Variants in GALNTL6 observed in about 807,000 individuals in gnomAD.
GALNTL6 encodes the protein polypeptide N-acetylgalactosaminyltransferase-like 6.
In GALNTL6, 46 loss-of-function variants were observed where a neutral mutation model predicts 73.7. That is an observed-to-expected ratio of 0.62 (90% CI 0.49 to 0.80). The LOEUF is 0.80. Among genes scored for constraint, GALNTL6 ranks in the 30% least tolerant of loss-of-function variants. The pLI is 0.00. For missense variants in GALNTL6, 604 were observed against 755.0 expected (o/e 0.80, Z 2.34); for synonymous variants, 259 against 263.7 (o/e 0.98, Z 0.17).
intron 2 of GALNTL6, among the ~76,000 whole-genome samples, chr4:171,862,226 T>A (rs1346464288): frequency 1.3e-5 from 2 of 152,128 alleles, no homozygotes; most frequent in Non-Finnish European, 2.9e-5. Flanking sequence ...AAATGTCACA[T>A]TCCATTATTA....
At chr4:172,746,231 T>C (rs1190765429) in intron 5 of GALNTL6, among the ~76,000 whole-genome samples, 1 of 152,106 alleles carries the variant, frequency 6.6e-6, no homozygotes, top group African/African-American at 2.4e-5. Flanking sequence ...AAAATGAGGA[T>C]AATAAAAATC....
chr4:172,741,803 T>G (rs748635372), intron 5 of GALNTL6, among the ~76,000 whole-genome samples: 2 of 152,046 alleles, frequency 1.3e-5, no homozygotes, highest in African/African-American at 2.4e-5. Context: ...CGCCTAAGAA[T>G]AGAAGACATC....
At chr4:172,072,663 T>A (rs1731579487) in intron 2 of GALNTL6, among the ~76,000 whole-genome samples, 1 of 152,168 alleles carries the variant, frequency 6.6e-6, no homozygotes, top group Non-Finnish European at 1.5e-5. Context: ...GGCTAAAACT[T>A]AGGGTCCTTG....
intron 5 of GALNTL6, among the ~76,000 whole-genome samples, chr4:172,806,188 A>G (rs1467456157): frequency 6.6e-6 from 1 of 152,206 alleles, no homozygotes; most frequent in African/African-American, 2.4e-5. Flanking sequence ...AGGACCCCTC[A>G]AAGTGCAGTC....
intron 5 of GALNTL6, among the ~76,000 whole-genome samples, chr4:172,700,765 G>A (rs1038258691): frequency 2.0e-5 from 3 of 152,086 alleles, no homozygotes; most frequent in Non-Finnish European, 2.9e-5. Context: ...TCCCTATTGC[G>A]TTGCAAAGGC....
intron 2 of GALNTL6, among the ~76,000 whole-genome samples, chr4:172,012,205 A>C (rs2110781473): frequency 6.6e-6 from 1 of 152,192 alleles, no homozygotes; most frequent in Admixed American, 6.6e-5. Flanking sequence ...TCCTGCAGGC[A>C]CAAGATATGA....
chr4:172,940,071 T>C (rs1281971747), intron 9 of GALNTL6, among the ~76,000 whole-genome samples: 1 of 151,842 alleles, frequency 6.6e-6, no homozygotes, highest in Non-Finnish European at 1.5e-5. Context: ...GAAAGTAAAA[T>C]AGCAAATTGC....
At chr4:172,675,485 T>C (rs1041322410) in intron 5 of GALNTL6, among the ~76,000 whole-genome samples, 1 of 152,160 alleles carries the variant, frequency 6.6e-6, no homozygotes, top group South Asian at 2.1e-4. Flanking sequence ...GTGTGCATGG[T>C]GGCACTGGAG....
chr4:172,303,412 G>A (rs1207950713), intron 3 of GALNTL6, among the ~76,000 whole-genome samples: 1 of 152,052 alleles, frequency 6.6e-6, no homozygotes, highest in African/African-American at 2.4e-5. Context: ...GGTTATGTCT[G>A]TTACTACTCC....
chr4:172,965,388 C>T (rs770455780), intron 10 of GALNTL6, among the ~76,000 whole-genome samples: 3 of 151,972 alleles, frequency 2.0e-5, no homozygotes, highest in Non-Finnish European at 2.9e-5. Context: ...AGATTGAGAC[C>T]ACCCTGTGAA....
chr4:171,905,880 C>T (rs1737260269), intron 2 of GALNTL6, among the ~76,000 whole-genome samples: 2 of 150,882 alleles, frequency 1.3e-5, no homozygotes, highest in South Asian at 2.1e-4. Flanking sequence ...GAACAACCTG[C>T]TCCTGAATGA....
chr4:172,313,690 C>A (rs1433362232), intron 4 of GALNTL6, among the ~76,000 whole-genome samples: 1 of 151,830 alleles, frequency 6.6e-6, no homozygotes, highest in Non-Finnish European at 1.5e-5. Context: ...ATAAATGTTA[C>A]GGAAGAAAAA....
chr4:172,976,478 A>C (rs1053629073), intron 10 of GALNTL6, among the ~76,000 whole-genome samples: 1 of 152,334 alleles, frequency 6.6e-6, no homozygotes, highest in African/African-American at 2.4e-5. Flanking sequence ...CATGCCCAGA[A>C]GTACAGTACG....
intron 2 of GALNTL6, among the ~76,000 whole-genome samples, chr4:171,988,774 A>G (rs1039003771): frequency 1.3e-5 from 2 of 152,154 alleles, no homozygotes; most frequent in Non-Finnish European, 2.9e-5. Flanking sequence ...GGGATGGGAT[A>G]TTGGCATTGA....
chr4:172,167,832 G>A (rs1048830254), intron 2 of GALNTL6, among the ~76,000 whole-genome samples: 9 of 147,704 alleles, frequency 6.1e-5, no homozygotes, highest in South Asian at 2.1e-4. Flanking sequence ...GGTGGCGGGC[G>A]CCTGTAGTCC....
intron 5 of GALNTL6, among the ~76,000 whole-genome samples, chr4:172,774,404 C>A (rs1738953956): frequency 6.6e-6 from 1 of 152,078 alleles, no homozygotes; most frequent in Non-Finnish European, 1.5e-5. Context: ...AATGAGCTGT[C>A]CTTTCTGAAA....
At chr4:171,904,538 G>A (rs1449069789) in intron 2 of GALNTL6, among the ~76,000 whole-genome samples, 10 of 152,164 alleles carry the variant, frequency 6.6e-5, no homozygotes, top group Non-Finnish European at 1.2e-4. Flanking sequence ...TGAAAGTGAC[G>A]GGGAGAATGG....
chr4:172,722,655 T>C lies in GALNTL6; in HGVS notation c.554-86706T>C, dbSNP rs1187587825. On this transcript the variant is annotated intron_variant, in intron 5 of 12. Coordinates refer to ENST00000506823, the MANE Select transcript of GALNTL6 (RefSeq NM_001034845.3). Reference sequence around the variant, plus strand: ...GAAAAATGAAAAAAATAATTTTACCTACATGTACCATACCATAAGTGAACT... The same window carrying C: ...GAAAAATGAAAAAAATAATTTTACCCACATGTACCATACCATAAGTGAACT... Among the ~76,000 whole-genome samples, 91 of 152,184 alleles carry C rather than the reference T, an allele frequency of 6.0e-4. 1 individual carries two copies. The highest frequency in any genetic ancestry group is 1.5e-5 in the Non-Finnish European group (1 of 68,016).
intron 5 of GALNTL6, among the ~76,000 whole-genome samples, chr4:172,436,309 T>G (rs541401889): frequency 2.0e-5 from 3 of 152,178 alleles, no homozygotes; most frequent in African/African-American, 7.2e-5. Flanking sequence ...CCTCAAATCT[T>G]AAGCTCATAA....
Sources: gnomAD v4.1 joint callset for allele counts (sites outside exome capture counted in the v4.1 genomes callset) on GRCh38, gnomAD v4.1.1 for gene constraint, MANE v1.5 for transcripts, NCBI Gene and HGNC (gene_info 2026-07-23, HGNC 2026-07-21) for gene names.